The following PRKCE variants were observed in gnomAD, a reference collection of about 807,000 sequenced individuals.
The protein encoded by PRKCE is protein kinase C epsilon type.
PRKCE carries 16 observed loss-of-function variants against 85.4 expected under a neutral mutation model. That is an observed-to-expected ratio of 0.19 (90% CI 0.13 to 0.28). The LOEUF is 0.28. Among genes scored for constraint, PRKCE ranks in the 10% least tolerant of loss-of-function variants. The pLI is 1.00. For synonymous variants in PRKCE, 388 were observed against 371.5 expected (o/e 1.04, Z -0.51); for missense variants, 573 against 975.2 (o/e 0.59, Z 5.49).
chr2:46,094,807 TAA>T (rs70937986), intron 11 of PRKCE, among the ~76,000 whole-genome samples: 420 of 146,220 alleles, frequency 2.9e-3, no homozygotes, highest in Middle Eastern at 3.5e-3. Context: ...AAGTTGAAGT[TAA>T]AAAAAAAAAA....
intron 1 of PRKCE, among the ~76,000 whole-genome samples, chr2:45,813,499 C>T (rs1190329953): frequency 1.3e-5 from 2 of 152,168 alleles, no homozygotes; most frequent in Non-Finnish European, 2.9e-5. Flanking sequence ...TTCCTTCTGG[C>T]CACGTGCCCA....
chr2:45,961,242 C>T (rs536274548), intron 2 of PRKCE, among the ~76,000 whole-genome samples: 9 of 152,186 alleles, frequency 5.9e-5, no homozygotes, highest in Non-Finnish European at 1.0e-4. Flanking sequence ...CCTTTCCCCC[C>T]CCGATTTGGT....
intron 1 of PRKCE, among the ~76,000 whole-genome samples, chr2:45,748,732 G>C (rs1683326457): frequency 1.3e-5 from 2 of 152,142 alleles, no homozygotes; most frequent in African/African-American, 2.4e-5. Flanking sequence ...TGGATTCAGG[G>C]GGAAGGGATG....
chr2:45,735,201 T>A (rs1270918695), intron 1 of PRKCE, among the ~76,000 whole-genome samples: 1 of 152,222 alleles, frequency 6.6e-6, no homozygotes, highest in Non-Finnish European at 1.5e-5. Context: ...GCTGGTTTGG[T>A]TCCACGCATG....
intron 13 of PRKCE, among the ~76,000 whole-genome samples, chr2:46,156,553 T>A (rs887631656): frequency 2.0e-5 from 3 of 152,168 alleles, no homozygotes; most frequent in Non-Finnish European, 4.4e-5. Flanking sequence ...CACCGATGAG[T>A]ACAGGGCACC....
intron 1 of PRKCE, among the ~76,000 whole-genome samples, chr2:45,670,057 T>C (rs1676084489): frequency 6.6e-6 from 1 of 152,208 alleles, no homozygotes; most frequent in South Asian, 2.1e-4. Context: ...ATCAAGTCTG[T>C]TATTAGTTAT....
chr2:45,926,998 C>A lies in PRKCE; in HGVS notation c.413-49431C>A, dbSNP rs374187931. 1.3e-3 allele frequency among the ~76,000 whole-genome samples: 197 copies of A among 147,060 alleles called. 1 individual carries two copies. The highest frequency in any genetic ancestry group is 4.7e-3 in the African/African-American group (186 of 39,474). ...CGTGCATGGGACACAGGATGGTGAG[C>A]ACTATAGAATGTGTATACATGAACG... is the stretch of plus-strand genomic sequence containing the variant. On this transcript the variant is annotated intron_variant, in intron 2 of 14. Transcript: ENST00000306156.
At chr2:45,801,191 C>T (rs115307792) in intron 1 of PRKCE, among the ~76,000 whole-genome samples, 59 of 152,132 alleles carry the variant, frequency 3.9e-4, no homozygotes, top group Non-Finnish European at 4.6e-4. Context: ...CTGATGGCCG[C>T]GCTCAGGAGA....
chr2:46,157,242 C>T (rs1052943844), intron 13 of PRKCE, among the ~76,000 whole-genome samples: 26 of 152,154 alleles, frequency 1.7e-4, no homozygotes, highest in Non-Finnish European at 3.5e-4. Context: ...CAGCCGCACC[C>T]GAGTCCACCA....
intron 2 of PRKCE, among the ~76,000 whole-genome samples, chr2:45,970,548 T>C (rs1449328178): frequency 6.6e-6 from 1 of 152,180 alleles, no homozygotes; most frequent in Non-Finnish European, 1.5e-5. Flanking sequence ...TTTATGTATC[T>C]AGAACAGTAA....
chr2:45,883,910 C>T (rs562441974), intron 2 of PRKCE, among the ~76,000 whole-genome samples: 1 of 152,206 alleles, frequency 6.6e-6, no homozygotes, highest in South Asian at 2.1e-4. Context: ...GCTTGCTTCC[C>T]ACGTTGTCAA....
intron 11 of PRKCE, among the ~76,000 whole-genome samples, chr2:46,128,166 G>T (rs535435133): frequency 1.3e-5 from 2 of 152,012 alleles, no homozygotes; most frequent in South Asian, 4.2e-4. Flanking sequence ...TCTAGTTTTT[G>T]TTATTGTCAT....
chr2:46,107,174 T>C (rs1243879645), intron 11 of PRKCE, among the ~76,000 whole-genome samples: 2 of 152,226 alleles, frequency 1.3e-5, no homozygotes, highest in African/African-American at 4.8e-5. Flanking sequence ...CCTAAACCCC[T>C]GATAACCACT....
chr2:45,916,325 G>A (rs1697774761), intron 2 of PRKCE, among the ~76,000 whole-genome samples: 1 of 149,054 alleles, frequency 6.7e-6, no homozygotes. Flanking sequence ...CTGCAGTCCT[G>A]ACCTCCTTAT....
chr2:46,156,870 C>T (rs1182179319), intron 13 of PRKCE, among the ~76,000 whole-genome samples: 1 of 152,224 alleles, frequency 6.6e-6, no homozygotes, highest in Non-Finnish European at 1.5e-5. Context: ...CTGCCCACCT[C>T]CCACACACTC....
intron 1 of PRKCE, among the ~76,000 whole-genome samples, chr2:45,792,072 G>C (rs1660878054): frequency 1.3e-5 from 2 of 152,232 alleles, no homozygotes; most frequent in Admixed American, 1.3e-4. Flanking sequence ...CTTAGTTCAT[G>C]GTTCTGCAGG....
At position 46,186,356 on chromosome 2, in the gene PRKCE, GC is replaced by G. The variant is rs1191897886; in HGVS notation, c.*1476del. On this transcript the variant is annotated 3_prime_UTR_variant, in exon 15 of 15. Transcript: ENST00000306156. ...TGAGTGGCAAAGTGGCACTAATGAAGCTTTTGCCTTTTGTACATTTGAGATT... is the reference window on the plus strand; with the variant it reads ...TGAGTGGCAAAGTGGCACTAATGAAGTTTTGCCTTTTGTACATTTGAGATT... The G allele has an allele frequency of 6.6e-6, 1 of 152,552 alleles. No individual in the cohort carries two copies. The highest frequency in any genetic ancestry group is 2.4e-5 in the African/African-American group (1 of 41,418). 9.4% of individuals were successfully genotyped at this position (152,552 alleles called of 1,614,324 possible). A position where few individuals can be genotyped will look rare whatever the true frequency, so the allele number is the denominator to read the frequency against.
At chr2:45,818,139 A>G (rs1443122872) in intron 1 of PRKCE, among the ~76,000 whole-genome samples, 1 of 152,242 alleles carries the variant, frequency 6.6e-6, no homozygotes, top group Non-Finnish European at 1.5e-5. Context: ...CAATTGGTCC[A>G]TAAGGTAAAA....
chr2:45,776,633 A>C (rs1685769590), intron 1 of PRKCE, among the ~76,000 whole-genome samples: 1 of 152,170 alleles, frequency 6.6e-6, no homozygotes, highest in Non-Finnish European at 1.5e-5. Flanking sequence ...AGAACTATTA[A>C]TTCAGATGAT....
Sources: allele counts gnomAD v4.1 joint callset (sites outside exome capture counted in the v4.1 genomes callset), GRCh38; gene constraint gnomAD v4.1.1; transcripts MANE v1.5; gene names NCBI Gene and HGNC (gene_info 2026-07-23, HGNC 2026-07-21).